The following PPEF1 variants were observed in gnomAD, a reference collection of about 807,000 sequenced individuals.
The protein encoded by PPEF1 is protein phosphatase with EF-hand domain 1.
In PPEF1, 12 loss-of-function variants were observed where a neutral mutation model predicts 53.3. The observed-to-expected ratio is 0.23, with a 90% CI of 0.14 to 0.36. The LOEUF is 0.36. Ranked by LOEUF, PPEF1 falls within the 10% of genes least tolerant of loss-of-function variation. PPEF1 has a pLI of 1.00. For synonymous variants in PPEF1, 165 were observed against 176.7 expected (o/e 0.93, Z 0.52); for missense variants, 334 against 490.4 (o/e 0.68, Z 3.01).
chrX:18,690,962 T>TA (rs1450214145), intron 3 of PPEF1: 2 of 111,910 alleles, frequency 1.8e-5, no homozygotes, highest in Non-Finnish European at 3.8e-5. Context: ...CCCTCTTCAA[T>TA]AAGACCTGTG....
chrX:18,692,544 G>A (rs969609198), intron 4 of PPEF1, among the ~76,000 whole-genome samples: 3 of 111,652 alleles, frequency 2.7e-5, no homozygotes, highest in African/African-American at 9.8e-5. Context: ...AGACCTGTGG[G>A]GTTTGTTACA....
intron 1 of PPEF1, among the ~76,000 whole-genome samples, chrX:18,715,377 G>T (rs933811875): frequency 1.8e-5 from 2 of 111,028 alleles, no homozygotes; most frequent in South Asian, 7.7e-4. Flanking sequence ...ACTAAAAATA[G>T]AAAAATTAGC....
intron 1 of PPEF1, among the ~76,000 whole-genome samples, chrX:18,725,346 A>G (rs1466640382): frequency 8.9e-6 from 1 of 111,944 alleles, no homozygotes; most frequent in African/African-American, 3.2e-5. Context: ...GGTCCCACAG[A>G]ACTGAAGCCC....
intron 3 of PPEF1, among the ~76,000 whole-genome samples, chrX:18,689,881 C>T (rs1446575099): frequency 9.0e-6 from 1 of 111,020 alleles, no homozygotes; most frequent in Admixed American, 9.6e-5. Context: ...TTAGCTACTC[C>T]GGGTCACGAG....
upstream of PPEF1, among the ~76,000 whole-genome samples, chrX:18,705,528 A>G (rs1016067592): frequency 8.9e-6 from 1 of 111,847 alleles, no homozygotes; most frequent in Non-Finnish European, 1.9e-5. Flanking sequence ...AACTTGGGCA[A>G]CATGGTGAGA....
At chrX:18,812,609 C>T (rs1440138742) in intron 12 of PPEF1, among the ~76,000 whole-genome samples, 1 of 111,899 alleles carries the variant, frequency 8.9e-6, no homozygotes, top group Non-Finnish European at 1.9e-5. Context: ...TTGTCCAATC[C>T]ATGAACATGA....
intron 1 of PPEF1, among the ~76,000 whole-genome samples, chrX:18,722,842 G>A (rs759568740): frequency 3.6e-5 from 4 of 111,164 alleles, no homozygotes; most frequent in South Asian, 7.7e-4. Flanking sequence ...ATGTAAGAAG[G>A]GGTGGTCAGG....
intron 12 of PPEF1, among the ~76,000 whole-genome samples, chrX:18,807,220 G>A (rs760395849): frequency 7.2e-5 from 8 of 110,577 alleles, no homozygotes; most frequent in Admixed American, 1.9e-4. Context: ...TGGTAGAGAC[G>A]GGGTTTCACC....
In PPEF1 at chrX:18,777,992, G is replaced by A. The variant is rs540380031; in HGVS notation, c.559-1018G>A. 7.2e-5 allele frequency among the ~76,000 whole-genome samples: 8 copies of A among 111,156 alleles called. No homozygotes were observed. In the South Asian group the frequency reaches 1.5e-3, roughly 21 times the overall value. ...ACTCCTGAACTCAAGTGATCTGCCC[G>A]CCTCATCCTCCCAAGGTGCTGGGAT... On this transcript the variant is annotated intron_variant, in intron 6 of 15. Transcript: ENST00000470157.
chrX:18,717,913 A>G (rs1175176194), intron 1 of PPEF1, among the ~76,000 whole-genome samples: 1 of 111,619 alleles, frequency 9.0e-6, no homozygotes, highest in African/African-American at 3.3e-5. Context: ...ATATGCTCTA[A>G]TCCCTGTTTT....
chrX:18,782,035 A>G (rs1042533939), intron 7 of PPEF1, among the ~76,000 whole-genome samples: 2 of 112,179 alleles, frequency 1.8e-5, no homozygotes, highest in Non-Finnish European at 3.8e-5. Context: ...TCCCCCAGCT[A>G]CCACAGCATG....
chrX:18,809,091 ATATCTATCTATCTATCTATC>A (rs58192421), intron 12 of PPEF1, among the ~76,000 whole-genome samples: 1 of 96,811 alleles, frequency 1.0e-5, no homozygotes, highest in Non-Finnish European at 2.0e-5. Flanking sequence ...ATATCACATT[ATATCTATCTATCTATCTATC>A]TATCTATCTA....
intron 12 of PPEF1, among the ~76,000 whole-genome samples, chrX:18,806,895 A>G (rs921377767): frequency 1.8e-5 from 2 of 111,852 alleles, no homozygotes; most frequent in Non-Finnish European, 3.8e-5. Context: ...TCTCTTCTCT[A>G]TCCAGAAGTG....
rs1037687692 is a variant in PPEF1, at chrX:18,781,541, G to A, written c.726-825G>A. On this transcript the variant is annotated intron_variant, in intron 7 of 15. Transcript: ENST00000470157. ...GATGGTAGAGTCAGCTGTATTTAGT[G>A]TTTCAGAGAGGGCGAGGAAGGTGAG... Among the ~76,000 whole-genome samples the A allele has an allele frequency of 2.7e-5, 3 of 111,612 alleles. No individual in the cohort carries two copies. In the Admixed American group the frequency reaches 2.9e-4, roughly 11 times the overall value.
At position 18,759,154 on chromosome X, in the gene PPEF1, C is replaced by T. The variant is rs1292011439; in HGVS notation, c.511+1413C>T. On this transcript the variant is annotated intron_variant, in intron 5 of 15. Coordinates refer to ENST00000470157, the MANE Select transcript of PPEF1 (RefSeq NM_001377996.1). ...GACATCTCCATTGGTTAAAGATTTC[C>T]ACATCTTGGCACTTATTTCTAGACT... Among the ~76,000 whole-genome samples the T allele has an allele frequency of 2.7e-5, 3 of 111,280 alleles. No homozygotes were observed. The East Asian group carries it at 8.4e-4, about 31-fold the overall frequency.
At chrX:18,799,129 G>A (rs180802952) in intron 10 of PPEF1, among the ~76,000 whole-genome samples, 1 of 110,571 alleles carries the variant, frequency 9.0e-6, no homozygotes. Flanking sequence ...CCTGCTACTC[G>A]GGAGACTGAG....
At chrX:18,707,942 C>A in intron 1 of PPEF1, 116 bp downstream of exon 1, 4 of 628,242 alleles carry the variant, frequency 6.4e-6, no homozygotes, top group South Asian at 3.1e-5. Flanking sequence ...GTGTGATTTG[C>A]ACAAGGCATC....
intron 2 of PPEF1, among the ~76,000 whole-genome samples, chrX:18,732,252 A>G (rs750560648): frequency 2.2e-4 from 25 of 112,987 alleles, no homozygotes; most frequent in Admixed American, 5.6e-4. Context: ...TTGGTCATCT[A>G]TTCCTCAGGT....
chrX:18,755,286 G>A (rs1285119220), intron 4 of PPEF1, among the ~76,000 whole-genome samples: 1 of 111,605 alleles, frequency 9.0e-6, no homozygotes, highest in African/African-American at 3.3e-5. Context: ...AGTGTATGAG[G>A]CCGGGTGCAG....
Sources: gnomAD v4.1 joint callset for allele counts (sites outside exome capture counted in the v4.1 genomes callset) on GRCh38, gnomAD v4.1.1 for gene constraint, MANE v1.5 for transcripts, NCBI Gene and HGNC (gene_info 2026-07-23, HGNC 2026-07-21) for gene names.